Variants in NOSTRIN observed in about 807,000 individuals in gnomAD.
NOSTRIN encodes the protein nitric oxide synthase trafficking.
Under a neutral mutation model 59.0 loss-of-function variants are expected in NOSTRIN, and 63 were observed. That is an observed-to-expected ratio of 1.07 (90% CI 0.87 to 1.32). The LOEUF is 1.32. Ranked by LOEUF, NOSTRIN falls within the 40% of genes most tolerant of loss-of-function variation. The pLI, the probability that NOSTRIN is intolerant of heterozygous loss-of-function variation, is 0.00. For missense variants in NOSTRIN, 512 were observed against 473.1 expected, an observed-to-expected ratio of 1.08 and a Z score of -0.76; for synonymous variants, 200 against 165.4, an observed-to-expected ratio of 1.21 and a Z score of -1.61.
At chr2:168,800,232 A>G (rs772918355), upstream of NOSTRIN, among the ~76,000 whole-genome samples, 3 of 152,232 alleles carry the variant, frequency 2.0e-5, no homozygotes, top group Middle Eastern at 3.2e-3. Flanking sequence ...GAGTGAGGTC[A>G]GGGGACACCT....
At chr2:168,808,070 C>G (rs1685952379) in intron 1 of NOSTRIN, among the ~76,000 whole-genome samples, 1 of 152,174 alleles carries the variant, frequency 6.6e-6, no homozygotes, top group Non-Finnish European at 1.5e-5. Context: ...AAACTAGTTC[C>G]CTTGAGACAG....
chr2:168,795,573 A>T (rs1685457434), upstream of NOSTRIN, among the ~76,000 whole-genome samples: 1 of 152,220 alleles, frequency 6.6e-6, no homozygotes, highest in African/African-American at 2.4e-5. Context: ...TTTCTCCATT[A>T]ACACCTGGAG....
In NOSTRIN at chr2:168,865,192, G is replaced by A; in HGVS notation, c.*222G>A. ...AGGAAGAGGCTCCTTGGTTCCTAGA[G>A]GAGTTTCCAAATTCTAGGAGACCCT... is the stretch of plus-strand genomic sequence containing the variant. On this transcript the variant is annotated 3_prime_UTR_variant, in exon 16 of 16. Transcript: ENST00000317647. 1.9e-6 allele frequency: 1 copy of A among 530,956 alleles called. No individual in the cohort carries two copies. The highest frequency in any genetic ancestry group is 2.4e-5 in the South Asian group (1 of 40,950). The allele number at this position is 530,956 out of a possible 1,614,324, so 32.9% of individuals were successfully genotyped here.
chr2:168,838,204 T>C (rs577676570), intron 7 of NOSTRIN, among the ~76,000 whole-genome samples: 92 of 152,232 alleles, frequency 6.0e-4, no homozygotes, highest in Admixed American at 3.0e-3. Context: ...ACTTTTTTTC[T>C]ACCAAAGATA....
At chr2:168,837,079 G>A (rs1011775416) in intron 7 of NOSTRIN, among the ~76,000 whole-genome samples, 4 of 152,148 alleles carry the variant, frequency 2.6e-5, no homozygotes, top group African/African-American at 9.6e-5. Flanking sequence ...GCTCCCTGGG[G>A]CCTCTTCTAT....
intron 6 of NOSTRIN, among the ~76,000 whole-genome samples, chr2:168,833,788 G>C (rs900465447): frequency 6.9e-6 from 1 of 144,424 alleles, no homozygotes; most frequent in African/African-American, 2.7e-5. Flanking sequence ...CTTGCTGCAC[G>C]TTTTAAGAGA....
At chr2:168,844,686 C>G (rs2461386) in intron 8 of NOSTRIN, among the ~76,000 whole-genome samples, 92,269 of 151,852 alleles carry the variant, frequency 0.61, 28,398 homozygotes, top group South Asian at 0.73. Flanking sequence ...CTGGCTAACA[C>G]GGCGAAACCC....
At chr2:168,844,268 A>G (rs1181189485) in intron 8 of NOSTRIN, among the ~76,000 whole-genome samples, 1 of 152,232 alleles carries the variant, frequency 6.6e-6, no homozygotes, top group Non-Finnish European at 1.5e-5. Context: ...CAGCTTATGC[A>G]CGGCCCCTGG....
upstream of NOSTRIN, chr2:168,798,082 G>C (rs746501938): frequency 6.6e-6 from 1 of 151,834 alleles, no homozygotes; most frequent in Non-Finnish European, 1.5e-5. Context: ...CTATGTAAAC[G>C]TTATATAAAT....
upstream of NOSTRIN, chr2:168,802,356 C>T (rs147726950): frequency 4.2e-5 from 15 of 360,160 alleles, no homozygotes; most frequent in East Asian, 2.1e-4. Flanking sequence ...GCTTCTCTGC[C>T]TTCTCTCAAT....
intron 8 of NOSTRIN, among the ~76,000 whole-genome samples, chr2:168,843,671 C>T (rs1244921676): frequency 6.6e-6 from 1 of 152,110 alleles, no homozygotes; most frequent in East Asian, 1.9e-4. Context: ...CATCGATAAG[C>T]CTATGAAACA....
chr2:168,853,160 C>T (rs1162213250), intron 10 of NOSTRIN, among the ~76,000 whole-genome samples: 1 of 152,128 alleles, frequency 6.6e-6, no homozygotes, highest in East Asian at 1.9e-4. Flanking sequence ...AACTCACAAC[C>T]ATGAATCTGT....
At position 168,862,750 on chromosome 2, in the gene NOSTRIN, C is replaced by G. The variant is rs938375842; in HGVS notation, c.1384+701C>G. Among the ~76,000 whole-genome samples, 5 of 130,496 alleles carry G rather than the reference C, an allele frequency of 3.8e-5. No individual in the cohort carries two copies. The Admixed American group carries it at 4.2e-4, about 11-fold the overall frequency. 85.6% of individuals were successfully genotyped at this position (130,496 alleles called of 152,430 possible). On this transcript the variant is annotated intron_variant, in intron 15 of 15. Transcript: ENST00000317647. The stretch of plus-strand genomic sequence containing the variant: ...ATTATTAAAGAAGAAAGTCTCCAGC[C>G]TCAACCTTCTTTATGTGTCCAGTTA...
At chr2:168,853,924 G>A (rs1209569506) in intron 10 of NOSTRIN, among the ~76,000 whole-genome samples, 3 of 152,192 alleles carry the variant, frequency 2.0e-5, no homozygotes, top group Admixed American at 6.5e-5. Flanking sequence ...CTGGAGTGTA[G>A]TGGCACAATG....
chr2:168,853,406 G>A (rs1398312481), intron 10 of NOSTRIN, among the ~76,000 whole-genome samples: 1 of 152,182 alleles, frequency 6.6e-6, no homozygotes, highest in Non-Finnish European at 1.5e-5. Context: ...TAAATGCCAT[G>A]TTCAAAAGAT....
At chr2:168,794,141 G>A (rs184599166), upstream of NOSTRIN, among the ~76,000 whole-genome samples, 40 of 152,228 alleles carry the variant, frequency 2.6e-4, no homozygotes, top group East Asian at 5.0e-3. Context: ...TGGATCTCTC[G>A]TTAATGCCTG....
At chr2:168,814,183 T>C in intron 2 of NOSTRIN, among the ~76,000 whole-genome samples, 1 of 152,246 alleles carries the variant, frequency 6.6e-6, no homozygotes, top group East Asian at 1.9e-4. Context: ...GCCACTTCAC[T>C]TCTCAGGGCT....
chr2:168,851,239 T>C, intron 9 of NOSTRIN, 40 bp from the exon 10 acceptor site: 8 of 1,613,980 alleles, frequency 5.0e-6, no homozygotes, highest in Non-Finnish European at 6.8e-6. Flanking sequence ...GGCAGAAACC[T>C]TTCTTCGACA....
chr2:168,865,225 A>T lies in NOSTRIN; in HGVS notation c.*255A>T. On this transcript the variant is annotated 3_prime_UTR_variant, in exon 16 of 16. Coordinates refer to ENST00000317647, the MANE Select transcript of NOSTRIN (RefSeq NM_001039724.4). ...CAAATTCTAGGAGACCCTAGAGATG[A>T]TCCAGTATAACCCCTGGTGTCACAG... 7.1e-6 allele frequency: 3 copies of T among 421,450 alleles called. No individual in the cohort carries two copies. Among genetic ancestry groups the T allele is most frequent in the Non-Finnish European group, 1.3e-5 (3 of 234,486 alleles). 26.1% of individuals were successfully genotyped at this position (421,450 alleles called of 1,614,324 possible).
Sources: allele counts gnomAD v4.1 joint callset (sites outside exome capture counted in the v4.1 genomes callset), GRCh38; gene constraint gnomAD v4.1.1; transcripts MANE v1.5; gene names NCBI Gene and HGNC (gene_info 2026-07-23, HGNC 2026-07-21).